ATP10B: variants seen among roughly 807,000 people sequenced by gnomAD.
ATP10B encodes the protein phospholipid-transporting ATPase VB.
A neutral mutation model predicts 141.2 loss-of-function variants in ATP10B; 122 were observed. The ratio of observed to expected loss-of-function variants is 0.86; its 90% CI spans 0.75 to 1.00. The LOEUF (loss-of-function observed/expected upper bound fraction) is 1.00. ATP10B is among the 50% of genes least tolerant of loss of function. The pLI is 0.00. For synonymous variants in ATP10B, 685 were observed against 692.0 expected (o/e 0.99, Z 0.16); for missense variants, 1,876 against 1,825.3 (o/e 1.03, Z -0.51).
At chr5:160,657,323 C>T (rs1174510653) in intron 7 of ATP10B, among the ~76,000 whole-genome samples, 1 of 152,176 alleles carries the variant, frequency 6.6e-6, no homozygotes, top group Non-Finnish European at 1.5e-5. Flanking sequence ...AAACTAATGA[C>T]AGTTACCAGC....
intron 14 of ATP10B, among the ~76,000 whole-genome samples, chr5:160,621,410 A>T (rs1758340767): frequency 6.6e-6 from 1 of 152,216 alleles, no homozygotes; most frequent in Non-Finnish European, 1.5e-5. Flanking sequence ...TGGGCTCTTG[A>T]GCTACCTGCC....
chr5:160,591,530 A>C (rs1180135160), intron 22 of ATP10B, among the ~76,000 whole-genome samples: 1 of 152,202 alleles, frequency 6.6e-6, no homozygotes, highest in East Asian at 1.9e-4. Context: ...CTGTTGCTAC[A>C]AACCTGGCAA....
chr5:160,589,469 G>T, intron 24 of ATP10B, 123 bp downstream of exon 24: 1 of 753,278 alleles, frequency 1.3e-6, no homozygotes, highest in Non-Finnish European at 2.3e-6. Context: ...AGGACATAGG[G>T]TAGGAGCTTA....
the ATP10B span, among the ~76,000 whole-genome samples, chr5:160,925,024 C>T: frequency 6.6e-6 from 1 of 152,114 alleles, no homozygotes; most frequent in Non-Finnish European, 1.5e-5. Context: ...ACTTCACTTA[C>T]CAGGCTAAAG....
chr5:160,850,675 G>A (rs1348376301), intron 1 of ATP10B, among the ~76,000 whole-genome samples: 1 of 152,286 alleles, frequency 6.6e-6, no homozygotes, highest in Admixed American at 6.5e-5. Flanking sequence ...TAGCACGAGA[G>A]GAGTATGATT....
intron 25 of ATP10B, 133 bp downstream of exon 25, chr5:160,569,363 A>G: frequency 1.1e-6 from 1 of 878,686 alleles, no homozygotes; most frequent in Non-Finnish European, 1.7e-6. Flanking sequence ...TTTCTGTCCC[A>G]TCTCTCTGTT....
In ATP10B at chr5:160,773,462, G is replaced by T. The variant is rs1770054112; in HGVS notation, c.-331+12097C>A. Among the ~76,000 whole-genome samples, 5 of 152,058 alleles carry T rather than the reference G, an allele frequency of 3.3e-5. No homozygotes were observed. The South Asian group carries it at 1.0e-3, about 32-fold the overall frequency. ...GACTGTCTTGGCGAGGTGGTTTCTG[G>T]GGTAATTTCCAGCTGTGTTGGAATG... is the stretch of plus-strand genomic sequence containing the variant. On this transcript the variant is annotated intron_variant, in intron 2 of 25. Coordinates refer to ENST00000327245, the MANE Select transcript of ATP10B (RefSeq NM_025153.3).
chr5:160,894,727 G>A, the ATP10B span, among the ~76,000 whole-genome samples: 27 of 152,170 alleles, frequency 1.8e-4, no homozygotes, highest in African/African-American at 6.3e-4. Flanking sequence ...TCCTCGAGAA[G>A]AGCAACCCCA....
intron 1 of ATP10B, among the ~76,000 whole-genome samples, chr5:160,837,801 A>G (rs995156842): frequency 6.6e-5 from 10 of 152,120 alleles, no homozygotes; most frequent in African/African-American, 2.4e-4. Flanking sequence ...CCCATGATCC[A>G]TCCTCCACCC....
intron 6 of ATP10B, chr5:160,684,970 GCATTGACCA>G (rs1426214742): frequency 1.4e-6 from 1 of 703,362 alleles, no homozygotes. Flanking sequence ...AGGCTGGAAA[GCATTGACCA>G]CAGGGATAAA....
intron 22 of ATP10B, 116 bp downstream of exon 22, chr5:160,598,654 G>A (rs925455197): frequency 3.6e-5 from 32 of 887,744 alleles, no homozygotes; most frequent in Non-Finnish European, 5.5e-5. Context: ...TGGAACAGTG[G>A]TCAGAATGCA....
At chr5:160,886,254 T>C in the ATP10B span, among the ~76,000 whole-genome samples, 2 of 151,798 alleles carry the variant, frequency 1.3e-5, no homozygotes, top group Non-Finnish European at 2.9e-5. Flanking sequence ...ACAGAGAAAA[T>C]GGAATTGGAT....
At chr5:160,793,394 C>A (rs952954249) in intron 1 of ATP10B, among the ~76,000 whole-genome samples, 4 of 152,146 alleles carry the variant, frequency 2.6e-5, no homozygotes, top group Non-Finnish European at 4.4e-5. Flanking sequence ...GCAGCTTAAG[C>A]GTTAGTATTT....
chr5:160,926,016 T>G, the ATP10B span, among the ~76,000 whole-genome samples: 1 of 152,242 alleles, frequency 6.6e-6, no homozygotes, highest in Non-Finnish European at 1.5e-5. Flanking sequence ...GCATTGCACC[T>G]GGTGGATGAG....
chr5:160,650,976 G>C (rs921035760), intron 7 of ATP10B, among the ~76,000 whole-genome samples: 4 of 152,148 alleles, frequency 2.6e-5, no homozygotes, highest in Non-Finnish European at 5.9e-5. Flanking sequence ...AATAGGTATA[G>C]TGTTTCAATT....
At chr5:160,884,587 C>G in the ATP10B span, among the ~76,000 whole-genome samples, 1 of 152,080 alleles carries the variant, frequency 6.6e-6, no homozygotes, top group Non-Finnish European at 1.5e-5. Context: ...GATACCACAG[C>G]TCAGAGTTTT....
chr5:160,593,199 G>A lies in ATP10B; in HGVS notation c.3565-2060C>T, dbSNP rs567281428. 2.0e-4 allele frequency among the ~76,000 whole-genome samples: 31 copies of A among 152,272 alleles called. 1 individual carries two copies. The South Asian group carries it at 4.8e-3, about 23-fold the overall frequency. ...GCGCAGACTGACACCTCACATGGCCGGGTACTTCTCTGAGACAAAACTTCC... is the reference window on the plus strand; with the variant it reads ...GCGCAGACTGACACCTCACATGGCCAGGTACTTCTCTGAGACAAAACTTCC... On this transcript the variant is annotated intron_variant, in intron 22 of 25. Transcript: ENST00000327245.
At chr5:160,626,872 TTAA>T (rs2127656103) in intron 13 of ATP10B, among the ~76,000 whole-genome samples, 1 of 152,340 alleles carries the variant, frequency 6.6e-6, no homozygotes, top group African/African-American at 2.4e-5. Flanking sequence ...TCTTTCAGTT[TTAA>T]TAATAACTCG....
chr5:160,594,789 A>C (rs576777387), intron 22 of ATP10B, among the ~76,000 whole-genome samples: 1 of 152,234 alleles, frequency 6.6e-6, no homozygotes, highest in African/African-American at 2.4e-5. Flanking sequence ...AAAGAGACAA[A>C]GAAGGCCATT....
Sources: allele counts gnomAD v4.1 joint callset (sites outside exome capture counted in the v4.1 genomes callset), GRCh38; gene constraint gnomAD v4.1.1; transcripts MANE v1.5; gene names NCBI Gene and HGNC (gene_info 2026-07-23, HGNC 2026-07-21).